Variants in USP20 observed in about 807,000 individuals in gnomAD.
USP20 encodes ubiquitin specific peptidase 20.
Under a neutral mutation model 124.2 loss-of-function variants are expected in USP20, and 80 were observed. The observed-to-expected ratio is 0.64, with a 90% CI of 0.54 to 0.78. The LOEUF is 0.78. Ranked by LOEUF, USP20 falls within the 30% of genes least tolerant of loss-of-function variation. The pLI is 0.00. For missense variants in USP20, 1,043 were observed against 1,244.4 expected, an observed-to-expected ratio of 0.84 and a Z score of 2.44; for synonymous variants, 481 against 512.3, an observed-to-expected ratio of 0.94 and a Z score of 0.83.
At chr9:129,853,332 C>A (rs1564201914) in intron 3 of USP20, among the ~76,000 whole-genome samples, 1 of 152,194 alleles carries the variant, frequency 6.6e-6, no homozygotes, top group Non-Finnish European at 1.5e-5. Context: ...CTTTGGACAT[C>A]AGTGCATAGA....
intron 3 of USP20, among the ~76,000 whole-genome samples, chr9:129,855,851 G>T (rs895399487): frequency 3.3e-5 from 5 of 152,024 alleles, no homozygotes; most frequent in African/African-American, 1.2e-4. Context: ...CAGGTCTAGT[G>T]AACTCTTCAT....
At chr9:129,876,467 C>T (rs755781908) in intron 22 of USP20, among the ~76,000 whole-genome samples, 7 of 151,988 alleles carry the variant, frequency 4.6e-5, no homozygotes, top group Non-Finnish European at 8.8e-5. Context: ...GGCAAAACCC[C>T]GTCTCTACTA....
intron 16 of USP20, 72 bp from the exon 17 acceptor site, chr9:129,873,627 G>C (rs1287998521): frequency 1.9e-6 from 3 of 1,613,332 alleles, no homozygotes; most frequent in Non-Finnish European, 1.7e-6. Flanking sequence ...GAAGGGAGCC[G>C]GGTGGAGGGC....
At chr9:129,846,241 A>ATTTTTTTTTT (rs1226898360) in intron 1 of USP20, among the ~76,000 whole-genome samples, 6 of 26,494 alleles carry the variant, frequency 2.3e-4, no homozygotes, top group South Asian at 1.7e-3. Context: ...ATATATATAT[A>ATTTTTTTTTT]TATATATTTT....
Position 129,873,683 on chromosome 9 carries a change from C to G in USP20, c.1695-16C>G. On this transcript the variant is annotated splice_polypyrimidine_tract_variant and intron_variant, in intron 16 of 25. Coordinates refer to ENST00000372429, the MANE Select transcript of USP20 (RefSeq NM_001110303.4). Reference sequence around the variant, plus strand: ...CTGATGCCGGACACTGATGCTGGCTCGTGCTTCCTCCCCAGGCTGCGGAAC... The same window carrying G: ...CTGATGCCGGACACTGATGCTGGCTGGTGCTTCCTCCCCAGGCTGCGGAAC... The G allele has an allele frequency of 2.5e-6, 4 of 1,613,688 alleles. No homozygotes were observed. The highest frequency in any genetic ancestry group is 3.4e-6 in the Non-Finnish European group (4 of 1,180,032).
chr9:129,875,573 C>CA lies in USP20; in HGVS notation c.2235dup (p.Tyr746IlefsTer99), dbSNP rs2034354338. On this transcript the variant is annotated frameshift_variant, in exon 21 of 26. Transcript: ENST00000372429. LOFTEE classifies it high-confidence loss of function. Reference sequence around the variant, plus strand: ...CCTTCTTCCCAGGCATCCCGCCCCACAAATACCACTACATCGACGACCTGG... The same window carrying CA: ...CCTTCTTCCCAGGCATCCCGCCCCACAAAATACCACTACATCGACGACCTGG... 2 of 1,614,144 alleles carry CA rather than the reference C, an allele frequency of 1.2e-6. No homozygotes were observed. Among genetic ancestry groups the CA allele is most frequent in the East Asian group, 4.5e-5 (2 of 44,878 alleles).
At chr9:129,871,596 C>T (rs2034131106) in intron 15 of USP20, among the ~76,000 whole-genome samples, 1 of 152,224 alleles carries the variant, frequency 6.6e-6, no homozygotes, top group Non-Finnish European at 1.5e-5. Context: ...ACATTCCCAC[C>T]AGTGACGCAC....
At chr9:129,873,368 G>A in intron 15 of USP20, 114 bp from the exon 16 acceptor site, 1 of 1,332,474 alleles carries the variant, frequency 7.5e-7, no homozygotes. Flanking sequence ...ACACGCATGA[G>A]CCACCATGCC....
chr9:129,848,291 C>T (rs2032704154), intron 1 of USP20, among the ~76,000 whole-genome samples: 1 of 151,822 alleles, frequency 6.6e-6, no homozygotes, highest in African/African-American at 2.4e-5. Context: ...AGCGAAACTC[C>T]ATCTCAAGCA....
chr9:129,873,421 T>A, intron 15 of USP20, 61 bp from the exon 16 acceptor site: 2 of 1,599,014 alleles, frequency 1.3e-6, no homozygotes, highest in Non-Finnish European at 8.6e-7. Flanking sequence ...TATAGTCACT[T>A]TTTTTTGCTC....
intron 1 of USP20, among the ~76,000 whole-genome samples, chr9:129,842,521 A>C (rs1376070323): frequency 2.0e-5 from 3 of 151,808 alleles, no homozygotes; most frequent in Non-Finnish European, 4.4e-5. Flanking sequence ...CAAAATGATA[A>C]CTTTCAGACA....
chr9:129,867,180 G>A (rs2033858622), intron 10 of USP20, among the ~76,000 whole-genome samples: 1 of 152,168 alleles, frequency 6.6e-6, no homozygotes, highest in Admixed American at 6.5e-5. Context: ...CACCACCCGA[G>A]CACCCGCTAG....
intron 10 of USP20, among the ~76,000 whole-genome samples, chr9:129,866,995 G>A (rs62583578): frequency 0.037 from 5,584 of 152,258 alleles, 148 homozygotes; most frequent in Middle Eastern, 0.099. Flanking sequence ...CTGCACATGA[G>A]TGGAGAGAGC....
chr9:129,868,594 G>A (rs2033949798), intron 11 of USP20, 145 bp downstream of exon 11: 22 of 1,433,184 alleles, frequency 1.5e-5, no homozygotes, highest in Middle Eastern at 5.2e-4. Flanking sequence ...CTCCGGGGGG[G>A]CTCAGTGATG....
At position 129,869,810 on chromosome 9, in the gene USP20, G is replaced by A. The variant is rs755737130; in HGVS notation, c.1531G>A (p.Gly511Ser). 1.5e-5 allele frequency: 24 copies of A among 1,613,868 alleles called. No individual in the cohort carries two copies. Among genetic ancestry groups the A allele is most frequent in the Non-Finnish European group, 1.7e-5 (20 of 1,180,032 alleles). ...CTGTGGGGACAGCTATGCCGCCCAG[G>A]GCTGGCTGGCCTTCATTGTGGAGTA... is the stretch of plus-strand genomic sequence containing the variant. The part of the protein sequence containing the change: ...GACGDSYAAQ[G>S]WLAFIVEYIR... The change falls in exon 14 of 26, where the codon GGC becomes AGC. Residue 511 changes from glycine (G) to serine (S), a missense_variant. By Grantham distance (56) the Gly-to-Ser change is moderately conservative (BLOSUM62 0). Coordinates refer to ENST00000372429, the MANE Select transcript of USP20 (RefSeq NM_001110303.4).
intron 4 of USP20, 33 bp from the exon 5 acceptor site, chr9:129,858,017 G>C: frequency 6.2e-7 from 1 of 1,600,016 alleles, no homozygotes; most frequent in African/African-American, 1.3e-5. Context: ...CTTTTGGCAA[G>C]CTCCAGTCCA....
In USP20 at chr9:129,868,885, C is replaced by T. The variant is rs540729891; in HGVS notation, c.1159C>T (p.Arg387Cys). 43 of 1,596,580 alleles carry T rather than the reference C, an allele frequency of 2.7e-5. No individual in the cohort carries two copies. The highest frequency in any genetic ancestry group is 6.7e-5 in the East Asian group (3 of 44,450). The change falls in exon 12 of 26, where the codon CGC becomes TGC. Residue 387 changes from arginine to cysteine, a missense_variant. Coordinates refer to ENST00000372429, the MANE Select transcript of USP20 (RefSeq NM_001110303.4). Reference sequence around the variant, plus strand: ...AGAGCCGGACAATGATGCTCACCTACGCAGCTCCTCTCGCCCCTGCAGCCC... The same window carrying T: ...AGAGCCGGACAATGATGCTCACCTATGCAGCTCCTCTCGCCCCTGCAGCCC... The part of the protein sequence containing the change: ...TPEPDNDAHL[R>C]SSSRPCSPVH...
chr9:129,858,448 T>G lies in USP20; in HGVS notation c.199-19T>G. Reference sequence around the variant, plus strand: ...TAGGCTAGAGTGCCCTGGACCTTGTTTTGGATATCACCCTCTAGGCAAAAA... The same window carrying G: ...TAGGCTAGAGTGCCCTGGACCTTGTGTTGGATATCACCCTCTAGGCAAAAA... On this transcript the variant is annotated intron_variant, in intron 5 of 25. Transcript: ENST00000372429. 1 of 1,614,042 alleles carries G rather than the reference T, an allele frequency of 6.2e-7. No individual in the cohort carries two copies. The highest frequency in any genetic ancestry group is 8.5e-7 in the Non-Finnish European group (1 of 1,179,970).
In USP20 at chr9:129,868,290, C is replaced by T. The variant is rs1017471892; in HGVS notation, c.976C>T (p.Arg326Trp). 19 of 1,613,844 alleles carry T rather than the reference C, an allele frequency of 1.2e-5. No homozygotes were observed. The highest frequency in any genetic ancestry group is 2.2e-5 in the East Asian group (1 of 44,884). The change falls in exon 11 of 26, where the codon CGG becomes TGG. Residue 326 changes from arginine (R) to tryptophan (W), a missense_variant. Coordinates refer to ENST00000372429, the MANE Select transcript of USP20 (RefSeq NM_001110303.4). ...EAGRAISEKERMKDRKFSWGQ... is the reference protein window; with the variant it reads ...EAGRAISEKEWMKDRKFSWGQ... The stretch of plus-strand genomic sequence containing the variant: ...GGGCCGAGCCATCTCTGAGAAGGAG[C>T]GGATGAAGGACCGCAAGTTCTCCTG...
Sources: gnomAD v4.1 joint callset for allele counts (sites outside exome capture counted in the v4.1 genomes callset) on GRCh38, gnomAD v4.1.1 for gene constraint, MANE v1.5 for transcripts, NCBI Gene and HGNC (gene_info 2026-07-23, HGNC 2026-07-21) for gene names.